The following TG variants were observed in gnomAD, a reference collection of about 807,000 sequenced individuals.
TG encodes thyroglobulin.
In TG, 270 loss-of-function variants were observed where a neutral mutation model predicts 324.7. The observed-to-expected ratio is 0.83, with a 90% CI of 0.75 to 0.92. The LOEUF is 0.92. Ranked by LOEUF, TG falls within the 40% of genes least tolerant of loss-of-function variation. TG has a pLI of 0.00. For synonymous variants in TG, 1,401 were observed against 1,327.0 expected (o/e 1.06, Z -1.21); for missense variants, 3,591 against 3,456.4 (o/e 1.04, Z -0.98).
intron 41 of TG, among the ~76,000 whole-genome samples, 178 bp downstream of exon 41, chr8:133,030,201 T>C (rs917539682): frequency 6.6e-6 from 1 of 152,224 alleles, no homozygotes; most frequent in Non-Finnish European, 1.5e-5. Context: ...GCTGAAGAGC[T>C]CTCCTGACTT....
At chr8:132,879,588 G>A (rs542516446) in intron 5 of TG, among the ~76,000 whole-genome samples, 182 of 152,348 alleles carry the variant, frequency 1.2e-3, no homozygotes, top group African/African-American at 4.1e-3. Flanking sequence ...TTAGCAAGAA[G>A]GGATTAAAGA....
At chr8:132,877,010 CA>C (rs1813906589) in intron 5 of TG, among the ~76,000 whole-genome samples, 1 of 152,164 alleles carries the variant, frequency 6.6e-6, no homozygotes, top group Non-Finnish European at 1.5e-5. Flanking sequence ...GCATTGTAAC[CA>C]GAATGTGGAA....
intron 41 of TG, among the ~76,000 whole-genome samples, chr8:133,087,038 C>T (rs1846672491): frequency 6.7e-6 from 1 of 150,242 alleles, no homozygotes; most frequent in Non-Finnish European, 1.5e-5. Context: ...GGCTCAAAAA[C>T]AATATGCTGT....
Position 132,957,191 on chromosome 8 carries a change from T to A in TG, c.5402-3817T>A, listed in dbSNP as rs1005002500. On this transcript the variant is annotated intron_variant, in intron 27 of 47. Transcript: ENST00000220616. The stretch of plus-strand genomic sequence containing the variant: ...GACAAAGGTGCTTCCCAGGACACAA[T>A]AATCTCTGTAGGTGCTGGTCAGGTG... Among the ~76,000 whole-genome samples the A allele has an allele frequency of 4.5e-4, 68 of 152,288 alleles. 1 individual carries two copies. The highest frequency in any genetic ancestry group is 3.4e-3 in the Middle Eastern group (1 of 294).
At chr8:133,051,224 G>A (rs1041097214) in intron 41 of TG, among the ~76,000 whole-genome samples, 1 of 152,166 alleles carries the variant, frequency 6.6e-6, no homozygotes, top group Non-Finnish European at 1.5e-5. Flanking sequence ...CGCCTGTTAC[G>A]AGTCTACTAG....
intron 41 of TG, among the ~76,000 whole-genome samples, chr8:133,071,751 T>C (rs1844080968): frequency 6.6e-6 from 1 of 152,102 alleles, no homozygotes; most frequent in African/African-American, 2.4e-5. Flanking sequence ...CTACACTTGG[T>C]CCCCTCTCTT....
At chr8:133,003,171 TTAAC>T (rs1312487594) in intron 35 of TG, 5 of 281,542 alleles carry the variant, frequency 1.8e-5, no homozygotes, top group African/African-American at 9.1e-5. Flanking sequence ...ATTTTCTCCT[TTAAC>T]TGATGTCTGG....
intron 35 of TG, chr8:132,994,752 A>G (rs569393203): frequency 3.9e-6 from 5 of 1,288,612 alleles, no homozygotes; most frequent in African/African-American, 3.0e-5. Context: ...ACCCAGCTGA[A>G]GAGGATGGAG....
intron 41 of TG, among the ~76,000 whole-genome samples, chr8:133,086,944 A>C (rs796942947): frequency 9.8e-5 from 15 of 152,336 alleles, no homozygotes; most frequent in African/African-American, 3.4e-4. Context: ...TGTAATTAGC[A>C]TGCTGGCATT....
chr8:133,095,825 C>G (rs1357715445), intron 42 of TG, among the ~76,000 whole-genome samples: 17 of 152,226 alleles, frequency 1.1e-4, no homozygotes, highest in Admixed American at 1.0e-3. Context: ...TTCTCAGCTC[C>G]CCTAAGTGCA....
chr8:132,986,821 G>T (rs1831616129), intron 35 of TG, among the ~76,000 whole-genome samples: 2 of 152,136 alleles, frequency 1.3e-5, no homozygotes, highest in African/African-American at 4.8e-5. Context: ...AACAGTTGTT[G>T]CTAGTTGCAT....
chr8:133,118,000 A>G (rs1269443112), intron 45 of TG, among the ~76,000 whole-genome samples: 2 of 152,208 alleles, frequency 1.3e-5, no homozygotes, highest in African/African-American at 4.8e-5. Context: ...TGTCCAACCC[A>G]TAACAGGGCT....
intron 43 of TG, 93 bp downstream of exon 43, chr8:133,096,466 A>G (rs959982119): frequency 4.6e-5 from 68 of 1,480,324 alleles, no homozygotes; most frequent in Non-Finnish European, 5.8e-5. Context: ...ATATTGACCA[A>G]TTGCTGAGTA....
intron 35 of TG, chr8:132,995,141 C>T (rs145262542): frequency 1.2e-5 from 12 of 972,284 alleles, no homozygotes; most frequent in Non-Finnish European, 1.5e-5. Context: ...AGTCTCTGTT[C>T]TAATTCTATT....
chr8:133,078,198 T>C (rs4736431), intron 41 of TG, among the ~76,000 whole-genome samples: 38,989 of 152,098 alleles, frequency 0.26, 5,307 homozygotes, highest in African/African-American at 0.31. Context: ...AGGAACTGGT[T>C]TGTGGTCTGT....
At chr8:133,068,511 G>C (rs1843435619) in intron 41 of TG, among the ~76,000 whole-genome samples, 1 of 152,206 alleles carries the variant, frequency 6.6e-6, no homozygotes, top group Admixed American at 6.5e-5. Context: ...TAAGTCACTA[G>C]ACCACTCTTT....
intron 41 of TG, chr8:133,049,780 G>A: frequency 1.4e-6 from 1 of 740,720 alleles, no homozygotes; most frequent in East Asian, 2.6e-5. Context: ...TTGGGAGCAG[G>A]ACTATCTCTT....
chr8:133,067,568 G>A (rs1284462414), intron 41 of TG, among the ~76,000 whole-genome samples: 1 of 152,080 alleles, frequency 6.6e-6, no homozygotes, highest in Non-Finnish European at 1.5e-5. Context: ...CTGAGGTCAG[G>A]AGTTCAAGAC....
intron 12 of TG, 48 bp downstream of exon 12, chr8:132,897,834 T>C (rs375269386): frequency 8.1e-6 from 13 of 1,610,184 alleles, no homozygotes; most frequent in Non-Finnish European, 1.1e-5. Context: ...ACCCCTTTTT[T>C]ATTTTAGAGG....
Sources: allele counts gnomAD v4.1 joint callset (sites outside exome capture counted in the v4.1 genomes callset), GRCh38; gene constraint gnomAD v4.1.1; transcripts MANE v1.5; gene names NCBI Gene and HGNC (gene_info 2026-07-23, HGNC 2026-07-21).